The following AMBP variants were observed in gnomAD, a reference collection of about 807,000 sequenced individuals.
AMBP encodes protein AMBP.
In AMBP, 37 loss-of-function variants were observed where a neutral mutation model predicts 46.3. The ratio of observed to expected loss-of-function variants is 0.80; its 90% CI spans 0.61 to 1.05. The LOEUF (loss-of-function observed/expected upper bound fraction) is 1.05, where lower values mean the gene tolerates loss of function less well. Among genes scored for constraint, AMBP ranks in the 50% least tolerant of loss-of-function variants. AMBP has a pLI of 0.00. For synonymous variants in AMBP, 174 were observed against 175.9 expected, an observed-to-expected ratio of 0.99 and a Z score of 0.09; for missense variants, 475 against 461.2, an observed-to-expected ratio of 1.03 and a Z score of -0.27.
intron 5 of AMBP, among the ~76,000 whole-genome samples, chr9:114,070,660 G>T (rs1021880289): frequency 3.0e-4 from 45 of 151,710 alleles, no homozygotes; most frequent in African/African-American, 1.1e-3. Flanking sequence ...GGGGCGTGGA[G>T]CTGGGGCGTA....
chr9:114,076,671 T>C lies in AMBP; in HGVS notation c.187A>G (p.Met63Val). 1 of 1,613,938 alleles carries C rather than the reference T, an allele frequency of 6.2e-7. No homozygotes were observed. The highest frequency in any genetic ancestry group is 2.2e-5 in the East Asian group (1 of 44,858). The part of the protein sequence containing the change: ...CPWLKKIMDR[M>V]TVSTLVLGEG... ...CCCAGCACCAGCGTGCTCACTGTCA[T>C]CCTGTCCATGATCTTCTTCAGCCAG... Residue 63 changes from methionine to valine, a missense_variant, in exon 2 of 10, where the codon ATG becomes GTG. Around this residue, in one of 3 missense-constraint regions of AMBP, gnomAD observed 179 missense variants for 167.4 expected, o/e 1.07. Transcript: ENST00000265132.
At chr9:114,062,062 C>T (rs905627203) in intron 7 of AMBP, among the ~76,000 whole-genome samples, 4 of 152,160 alleles carry the variant, frequency 2.6e-5, no homozygotes, top group African/African-American at 9.7e-5. Flanking sequence ...TCCATGAAGT[C>T]CTCCTGATCC....
At chr9:114,066,162 G>A (rs1173624725) in intron 6 of AMBP, among the ~76,000 whole-genome samples, 1 of 152,150 alleles carries the variant, frequency 6.6e-6, no homozygotes, top group Non-Finnish European at 1.5e-5. Context: ...AAATGTCAGA[G>A]GTCCCTGTAG....
chr9:114,076,941 T>A (rs1276246293), intron 1 of AMBP, among the ~76,000 whole-genome samples: 1 of 152,082 alleles, frequency 6.6e-6, no homozygotes, highest in Non-Finnish European at 1.5e-5. Context: ...AGAGTGGCGT[T>A]TCAGGCATCA....
In AMBP at chr9:114,062,751, C is replaced by T. The variant is rs146404307; in HGVS notation, c.611G>A (p.Arg204Gln). Residue 204 changes from arginine (R) to glutamine (Q), a missense_variant, in exon 7 of 10, where the codon CGG becomes CAG. By Grantham distance (43) the Arg-to-Gln change is conservative. Coordinates refer to ENST00000265132, the MANE Select transcript of AMBP (RefSeq NM_001633.4). The part of the protein sequence containing the change: ...EPEPILIPRV[R>Q]RAVLPQEEEG... ...CTCTTCTTGGGGTAGCACAGCCCTC[C>T]GGACTCTCTGCGGGGGAGAGAAAGA... The T allele has an allele frequency of 4.8e-5, 77 of 1,614,110 alleles. No individual in the cohort carries two copies. The African/African-American group carries it at 6.7e-4, about 14-fold the overall frequency.
chr9:114,072,290 G>A (rs1846753515), intron 5 of AMBP, among the ~76,000 whole-genome samples: 1 of 152,166 alleles, frequency 6.6e-6, no homozygotes, highest in Non-Finnish European at 1.5e-5. Flanking sequence ...TCTGCTTGTG[G>A]TGCACCTGGT....
At position 114,061,000 on chromosome 9, in the gene AMBP, C is replaced by T. The variant is rs772743163; in HGVS notation, c.952G>A (p.Gly318Arg). 27 of 1,614,250 alleles carry T rather than the reference C, an allele frequency of 1.7e-5. No homozygotes were observed. Among genetic ancestry groups the T allele is most frequent in the South Asian group, 1.1e-4 (10 of 91,090 alleles). Residue 318 changes from glycine to arginine, a missense_variant, in exon 9 of 10, where the codon GGG becomes AGG. Around this residue, in one of 3 missense-constraint regions of AMBP, gnomAD observed 293 missense variants for 276.9 expected, o/e 1.06. Transcript: ENST00000265132. ...VKGKCVLFPY[G>R]GCQGNGNKFY... ...TTGTTCCCGTTGCCCTGGCAGCCCC[C>T]GTAGGGGAAGAGGACGCACTTCCCC...
chr9:114,067,146 G>A (rs1017288350), intron 6 of AMBP, among the ~76,000 whole-genome samples: 2 of 152,156 alleles, frequency 1.3e-5, no homozygotes, highest in Admixed American at 6.5e-5. Flanking sequence ...TCACCATGTT[G>A]GCCAGGATGG....
chr9:114,062,525 T>C, intron 7 of AMBP, 152 bp downstream of exon 7: 2 of 734,284 alleles, frequency 2.7e-6, no homozygotes, highest in South Asian at 3.5e-5. Flanking sequence ...CCTGGCAGAG[T>C]GCAGAGTACT....
intron 6 of AMBP, among the ~76,000 whole-genome samples, chr9:114,067,492 G>T (rs751411163): frequency 6.6e-6 from 1 of 152,008 alleles, no homozygotes; most frequent in African/African-American, 2.4e-5. Flanking sequence ...CTGGCCTCAC[G>T]TGATCCTTCT....
chr9:114,061,754 G>T (rs933225457), intron 7 of AMBP, among the ~76,000 whole-genome samples, 163 bp from the exon 8 acceptor site: 1 of 152,066 alleles, frequency 6.6e-6, no homozygotes, highest in Admixed American at 6.5e-5. Flanking sequence ...AACTTGGCCG[G>T]GGTCACATAG....
intron 6 of AMBP, among the ~76,000 whole-genome samples, chr9:114,068,198 T>C (rs1381853085): frequency 6.6e-6 from 1 of 152,220 alleles, no homozygotes; most frequent in African/African-American, 2.4e-5. Context: ...GCCTCTTAAA[T>C]GTCTTTTCAC....
At chr9:114,060,311 G>T (rs1846620718) in intron 9 of AMBP, 41 bp from the exon 10 acceptor site, 2 of 1,607,898 alleles carry the variant, frequency 1.2e-6, no homozygotes, top group Non-Finnish European at 8.5e-7. Context: ...CCGTAGGCAG[G>T]GACACTCAGG....
intron 2 of AMBP, among the ~76,000 whole-genome samples, chr9:114,076,235 G>A (rs1846805195): frequency 6.6e-6 from 1 of 151,824 alleles, no homozygotes; most frequent in Admixed American, 6.6e-5. Context: ...GAGGGGAGAA[G>A]TGAACAGGTT....
rs1846778076 is a variant in AMBP, at chr9:114,074,157, A to C, written c.338-5T>G. On this transcript the variant is annotated splice_polypyrimidine_tract_variant and splice_region_variant and intron_variant, in intron 3 of 9. Coordinates refer to ENST00000265132, the MANE Select transcript of AMBP (RefSeq NM_001633.4). ...ACTCCATGGTTATGTTCCATTCTGC[A>C]TGGGAGGTGCAGGCAGACCAAAGGG... The C allele has an allele frequency of 1.9e-6, 3 of 1,612,326 alleles. No homozygotes were observed. The East Asian group carries it at 6.7e-5, about 36-fold the overall frequency.
At position 114,073,907 on chromosome 9, in the gene AMBP, C is replaced by T. The variant is rs1846773128; in HGVS notation, c.454+129G>A. The T allele has an allele frequency of 6.0e-6, 5 of 834,254 alleles. No individual in the cohort carries two copies. In the Admixed American group the frequency reaches 9.3e-5, roughly 16 times the overall value. The allele number at this position is 834,254 out of a possible 1,614,324, so 51.7% of individuals were successfully genotyped here. A position where few individuals can be genotyped will look rare whatever the true frequency, so the allele number is the denominator to read the frequency against. On this transcript the variant is annotated intron_variant, in intron 4 of 9. Coordinates refer to ENST00000265132, the MANE Select transcript of AMBP (RefSeq NM_001633.4). The stretch of plus-strand genomic sequence containing the variant: ...CCTCCAGGGAGACTCAGTGATTGTA[C>T]CTTTCTCCAAATTGGAGTTTTGTCA...
In AMBP at chr9:114,072,796, A is replaced by C. The variant is rs964804415; in HGVS notation, c.556+129T>G. 3.5e-5 allele frequency: 25 copies of C among 711,934 alleles called. No homozygotes were observed. In the South Asian group the frequency reaches 4.8e-4, roughly 14 times the overall value. The allele number at this position is 711,934 out of a possible 1,614,324, so 44.1% of individuals were successfully genotyped here. A position where few individuals can be genotyped will look rare whatever the true frequency, so the allele number is the denominator to read the frequency against. On this transcript the variant is annotated intron_variant, in intron 5 of 9. Coordinates refer to ENST00000265132, the MANE Select transcript of AMBP (RefSeq NM_001633.4). The stretch of plus-strand genomic sequence containing the variant: ...AAATCCACTGGCTTCCTGATTCACT[A>C]TGGAGGGGAGGCTGTGGCGCCTTTT...
chr9:114,072,423 G>A (rs190992811), intron 5 of AMBP, among the ~76,000 whole-genome samples: 15 of 152,300 alleles, frequency 9.8e-5, no homozygotes, highest in Middle Eastern at 3.4e-3. Flanking sequence ...ATCCCTTGCC[G>A]CTTCATGCCT....
intron 7 of AMBP, 103 bp from the exon 8 acceptor site, chr9:114,061,694 G>A: frequency 7.5e-7 from 1 of 1,324,782 alleles, no homozygotes; most frequent in Non-Finnish European, 1.0e-6. Context: ...TCACTAAAAG[G>A]ATTATCAATT....
Sources: gnomAD v4.1 joint callset for allele counts (sites outside exome capture counted in the v4.1 genomes callset) on GRCh38, gnomAD v4.1.1 for gene constraint, gnomAD v4.1.1 regional missense constraint, MANE v1.5 for transcripts, NCBI Gene and HGNC (gene_info 2026-07-23, HGNC 2026-07-21) for gene names.